TPTE: variants seen among roughly 807,000 people sequenced by gnomAD.
TPTE encodes transmembrane phosphatase with tensin homology, also known as putative tyrosine-protein phosphatase TPTE.
A neutral mutation model predicts 84.1 loss-of-function variants in TPTE; 59 were observed. The observed-to-expected ratio is 0.70, with a 90% CI of 0.57 to 0.87. TPTE has a LOEUF of 0.87. Ranked by LOEUF, TPTE falls within the 40% of genes least tolerant of loss-of-function variation. The probability of loss-of-function intolerance (pLI) is 0.00; values close to 1 mark genes in which losing one functional copy is unlikely to be tolerated. For synonymous variants in TPTE, 130 were observed against 223.5 expected (o/e 0.58, Z 3.73); for missense variants, 382 against 659.6 (o/e 0.58, Z 4.61).
At chr21:10,543,163 G>A (rs1600872980) in intron 6 of TPTE, among the ~76,000 whole-genome samples, 166 bp from the exon 7 acceptor site, 1 of 139,696 alleles carries the variant, frequency 7.2e-6, no homozygotes, top group Non-Finnish European at 1.5e-5. Flanking sequence ...CCGAGTAGCT[G>A]GGACTACAGG....
intron 4 of TPTE, among the ~76,000 whole-genome samples, chr21:10,539,376 A>G (rs528383567): frequency 6.6e-6 from 1 of 152,310 alleles, no homozygotes; most frequent in Non-Finnish European, 1.5e-5. Flanking sequence ...CCTTAGGCCC[A>G]CAGCTACTTG....
chr21:10,584,201 G>C (rs1489271811), intron 17 of TPTE, among the ~76,000 whole-genome samples: 1 of 152,312 alleles, frequency 6.6e-6, no homozygotes, highest in Non-Finnish European at 1.5e-5. Flanking sequence ...TTTTTGGTGA[G>C]ATTTATTCTT....
intron 7 of TPTE, among the ~76,000 whole-genome samples, chr21:10,546,888 T>A (rs1033706335): frequency 3.9e-5 from 6 of 152,310 alleles, no homozygotes; most frequent in Non-Finnish European, 7.3e-5. Flanking sequence ...AAACAGCCAG[T>A]GCCGATGCAG....
At chr21:10,563,865 A>G (rs28881782) in intron 10 of TPTE, among the ~76,000 whole-genome samples, 1 of 152,306 alleles carries the variant, frequency 6.6e-6, no homozygotes, top group East Asian at 1.9e-4. Context: ...GGATGAAAGA[A>G]CAAGACCCAT....
chr21:10,576,859 A>G (rs1347143702), intron 14 of TPTE, among the ~76,000 whole-genome samples: 2 of 105,628 alleles, frequency 1.9e-5, no homozygotes, highest in African/African-American at 9.7e-5. Flanking sequence ...ATATATATAT[A>G]TATATATATA....
intron 17 of TPTE, among the ~76,000 whole-genome samples, chr21:10,580,141 A>G (rs2075245303): frequency 6.6e-6 from 1 of 152,308 alleles, no homozygotes; most frequent in South Asian, 2.1e-4. Context: ...CCTCTTGGCC[A>G]TTTGTGTGTC....
chr21:10,536,611 T>C (rs2074271120), intron 3 of TPTE, among the ~76,000 whole-genome samples: 1 of 152,298 alleles, frequency 6.6e-6, no homozygotes, highest in Non-Finnish European at 1.5e-5. Context: ...AGAGAGAGAA[T>C]CGACAGAGAG....
At chr21:10,539,010 C>A (rs1478220698) in intron 4 of TPTE, among the ~76,000 whole-genome samples, 1 of 152,308 alleles carries the variant, frequency 6.6e-6, no homozygotes, top group Non-Finnish European at 1.5e-5. Context: ...TCCTAGTAGC[C>A]TTTGTAGGTA....
chr21:10,582,262 C>T (rs1167308889), intron 17 of TPTE, among the ~76,000 whole-genome samples: 1 of 152,298 alleles, frequency 6.6e-6, no homozygotes, highest in African/African-American at 2.4e-5. Flanking sequence ...GTCCTAACAC[C>T]ATCAATTGCG....
intron 19 of TPTE, among the ~76,000 whole-genome samples, chr21:10,594,921 CT>C: frequency 6.6e-6 from 1 of 152,312 alleles, no homozygotes; most frequent in Non-Finnish European, 1.5e-5. Context: ...AAGTTAAGGA[CT>C]TTCATGAACC....
At chr21:10,541,890 C>T (rs1384399170) in intron 5 of TPTE, among the ~76,000 whole-genome samples, 1 of 152,306 alleles carries the variant, frequency 6.6e-6, no homozygotes, top group African/African-American at 2.4e-5. Flanking sequence ...CACCACCCTC[C>T]AGAACCCTGC....
intron 23 of TPTE, among the ~76,000 whole-genome samples, chr21:10,603,877 G>T (rs1279751088): frequency 1.3e-5 from 2 of 152,310 alleles, no homozygotes; most frequent in African/African-American, 4.8e-5. Flanking sequence ...GAGTTCAAAA[G>T]TATTATCATC....
intron 9 of TPTE, among the ~76,000 whole-genome samples, chr21:10,560,572 T>C (rs2145674410): frequency 6.6e-6 from 1 of 152,412 alleles, no homozygotes; most frequent in African/African-American, 2.4e-5. Flanking sequence ...TGATGAAAAA[T>C]CTTGGTCTTT....
chr21:10,575,924 G>A (rs1315241269), intron 14 of TPTE, among the ~76,000 whole-genome samples: 1 of 152,296 alleles, frequency 6.6e-6, no homozygotes, highest in Non-Finnish European at 1.5e-5. Context: ...CTATTAAAAA[G>A]CCAAAAAATA....
intron 21 of TPTE, among the ~76,000 whole-genome samples, chr21:10,599,619 T>C (rs1378922932): frequency 2.0e-5 from 3 of 152,298 alleles, no homozygotes; most frequent in African/African-American, 2.4e-5. Context: ...CTTTGTCACA[T>C]AGGAAATGCT....
chr21:10,548,098 C>T (rs1192378081), intron 7 of TPTE, among the ~76,000 whole-genome samples: 4 of 152,306 alleles, frequency 2.6e-5, no homozygotes, highest in South Asian at 2.1e-4. Context: ...CCACAGGCTG[C>T]CCCCAGCAGG....
At chr21:10,550,009 C>T (rs1164409997) in intron 7 of TPTE, among the ~76,000 whole-genome samples, 1 of 152,304 alleles carries the variant, frequency 6.6e-6, no homozygotes, top group Non-Finnish European at 1.5e-5. Flanking sequence ...TGGGATGATA[C>T]ATTCGAAGTT....
intron 1 of TPTE, among the ~76,000 whole-genome samples, chr21:10,522,965 G>C (rs1337109089): frequency 6.6e-6 from 1 of 152,310 alleles, no homozygotes; most frequent in South Asian, 2.1e-4. Flanking sequence ...ATGATAGCTT[G>C]AGTCAATGAG....
intron 17 of TPTE, among the ~76,000 whole-genome samples, chr21:10,588,423 T>G (rs572665314): frequency 1.3e-5 from 2 of 152,310 alleles, no homozygotes; most frequent in East Asian, 3.8e-4. Context: ...ATCTGGCCTT[T>G]TTCTCCAGTG....
Sources: gnomAD v4.1 joint callset for allele counts (sites outside exome capture counted in the v4.1 genomes callset) on GRCh38, gnomAD v4.1.1 for gene constraint, MANE v1.5 for transcripts, NCBI Gene and HGNC (gene_info 2026-07-23, HGNC 2026-07-21) for gene names.